SPDYE10: variants seen among roughly 807,000 people sequenced by gnomAD.
SPDYE10 encodes speedy protein E10.
At chr7:73,114,499 A>G in the SPDYE10 span, among the ~76,000 whole-genome samples, 3 of 150,766 alleles carry the variant, frequency 2.0e-5, 1 homozygote, top group East Asian at 3.9e-4. Flanking sequence ...TTGCAAGTGT[A>G]AATCAGATCA....
At chr7:73,151,882 G>T in the SPDYE10 span, among the ~76,000 whole-genome samples, 2 of 137,548 alleles carry the variant, frequency 1.5e-5, no homozygotes, top group African/African-American at 2.9e-5. Context: ...CCACTACATG[G>T]GTCATACACA....
chr7:73,114,027 CA>C, the SPDYE10 span, among the ~76,000 whole-genome samples: 1,661 of 75,738 alleles, frequency 0.022, 27 homozygotes, highest in African/African-American at 0.078. Flanking sequence ...GACTCCGTCT[CA>C]AAAAAAAAAA....
At chr7:73,139,663 T>A in the SPDYE10 span, among the ~76,000 whole-genome samples, 35 of 151,288 alleles carry the variant, frequency 2.3e-4, no homozygotes, top group African/African-American at 8.6e-4. Flanking sequence ...TTTGTGTTTT[T>A]TTTTTTCTTT....
At chr7:73,131,723 C>T in the SPDYE10 span, among the ~76,000 whole-genome samples, 19 of 151,174 alleles carry the variant, frequency 1.3e-4, no homozygotes, top group Non-Finnish European at 2.2e-4. Context: ...TTAGTAGAGA[C>T]GAGGTTTCAT....
chr7:73,137,636 A>AAGAAAGAAAGAG, the SPDYE10 span, among the ~76,000 whole-genome samples: 1 of 136,192 alleles, frequency 7.3e-6, no homozygotes, highest in Admixed American at 7.5e-5. Context: ...GAAAGAAAGA[A>AAGAAAGAAAGAG]AGAAAGGAGA....
the SPDYE10 span, among the ~76,000 whole-genome samples, chr7:73,117,019 C>T: frequency 2.6e-5 from 4 of 152,052 alleles, no homozygotes; most frequent in African/African-American, 4.8e-5. Context: ...CCTCAGCCTC[C>T]CAAGTAGCTG....
At chr7:73,134,309 G>A in the SPDYE10 span, among the ~76,000 whole-genome samples, 14 of 143,664 alleles carry the variant, frequency 9.7e-5, no homozygotes, top group African/African-American at 3.8e-4. Context: ...CTCATAGGTG[G>A]GAATTGAACA....
At chr7:73,152,432 G>A in the SPDYE10 span, among the ~76,000 whole-genome samples, 18 of 116,530 alleles carry the variant, frequency 1.5e-4, no homozygotes, top group Non-Finnish European at 2.4e-4. Context: ...CACCCAGGCT[G>A]GAGTGCAGTG....
At chr7:73,137,628 A>G in the SPDYE10 span, among the ~76,000 whole-genome samples, 1 of 132,232 alleles carries the variant, frequency 7.6e-6, no homozygotes, top group African/African-American at 3.3e-5. Flanking sequence ...GAAAGAAAGA[A>G]AGAAAGAAAG....
At chr7:73,134,343 G>T in the SPDYE10 span, among the ~76,000 whole-genome samples, 17 of 147,200 alleles carry the variant, frequency 1.2e-4, no homozygotes, top group African/African-American at 4.4e-4. Flanking sequence ...GACACAGGGT[G>T]GGGAACATCA....
chr7:73,139,632 T>C, the SPDYE10 span, among the ~76,000 whole-genome samples: 2 of 150,906 alleles, frequency 1.3e-5, no homozygotes, highest in African/African-American at 4.9e-5. Context: ...CCTTTTTTTG[T>C]TTTTGTTTGT....
the SPDYE10 span, among the ~76,000 whole-genome samples, chr7:73,122,730 A>G: frequency 1.3e-5 from 2 of 149,938 alleles, no homozygotes; most frequent in African/African-American, 5.0e-5. Flanking sequence ...CCCTTCCCAC[A>G]GGGGCTGGGG....
At chr7:73,126,498 C>A in the SPDYE10 span, among the ~76,000 whole-genome samples, 1 of 112,592 alleles carries the variant, frequency 8.9e-6, no homozygotes, top group Non-Finnish European at 1.7e-5. Context: ...CAGAGCAAGA[C>A]TCCATCTCAA....
the SPDYE10 span, among the ~76,000 whole-genome samples, chr7:73,123,782 T>TCTCCCTCTCTCA: frequency 6.9e-6 from 1 of 144,090 alleles, no homozygotes; most frequent in Non-Finnish European, 1.5e-5. Context: ...TCTCTCTCTC[T>TCTCCCTCTCTCA]CTCTCCCTCT....
the SPDYE10 span, among the ~76,000 whole-genome samples, chr7:73,137,186 G>A: frequency 2.7e-5 from 4 of 149,896 alleles, no homozygotes; most frequent in East Asian, 5.9e-4. Flanking sequence ...TTCAAGACCA[G>A]CCTGACCAAC....
chr7:73,155,141 G>A, the SPDYE10 span: 6 of 135,676 alleles, frequency 4.4e-5, no homozygotes, highest in African/African-American at 8.7e-5. Flanking sequence ...TCTCCGGGCC[G>A]GCTGTCGGTG....
the SPDYE10 span, among the ~76,000 whole-genome samples, chr7:73,126,823 C>T: frequency 2.8e-4 from 42 of 150,992 alleles, no homozygotes; most frequent in Non-Finnish European, 5.6e-4. Context: ...CAAGCAGGCA[C>T]CACCATGCCT....
the SPDYE10 span, among the ~76,000 whole-genome samples, chr7:73,120,934 C>T: frequency 6.9e-6 from 1 of 145,092 alleles, no homozygotes; most frequent in Non-Finnish European, 1.5e-5. Context: ...TGTTCTCCTG[C>T]CTCAGCTTCC....
the SPDYE10 span, among the ~76,000 whole-genome samples, chr7:73,134,735 A>C: frequency 6.6e-6 from 1 of 152,244 alleles, no homozygotes; most frequent in African/African-American, 2.4e-5. Flanking sequence ...GGTGGCATGC[A>C]CCTGTATTTC....
Sources: allele counts gnomAD v4.1 joint callset (sites outside exome capture counted in the v4.1 genomes callset), GRCh38; gene constraint gnomAD v4.1.1; transcripts MANE v1.5; gene names NCBI Gene and HGNC (gene_info 2026-07-23, HGNC 2026-07-21).